The following SCN9A variants were observed in gnomAD, a reference collection of about 807,000 sequenced individuals.
The protein encoded by SCN9A is sodium voltage-gated channel alpha subunit 9, also known as sodium channel protein type 9 subunit alpha.
Under a neutral mutation model 187.0 loss-of-function variants are expected in SCN9A, and 131 were observed. The observed-to-expected ratio is 0.70, with a 90% CI of 0.61 to 0.81. SCN9A has a LOEUF of 0.81. Ranked by LOEUF, SCN9A falls within the 30% of genes least tolerant of loss-of-function variation. The probability of loss-of-function intolerance (pLI) is 0.00; values close to 1 mark genes in which losing one functional copy is unlikely to be tolerated. For missense variants in SCN9A, 2,252 were observed against 2,396.6 expected (o/e 0.94, Z 1.26); for synonymous variants, 809 against 808.6 (o/e 1.00, Z -0.01).
Position 166,284,845 on chromosome 2 carries a change from AC to A in SCN9A, c.1603-22del, listed in dbSNP as rs1559010985. ...GGTGACTGCAGAAAAATTAAAAAAA[AC>A]GTGGTTGCTGAAGCACCTACTGATA... On this transcript the variant is annotated intron_variant, in intron 11 of 26. Transcript: ENST00000642356. The A allele has an allele frequency of 1.9e-6, 3 of 1,568,818 alleles. No homozygotes were observed. The East Asian group carries it at 6.8e-5, about 36-fold the overall frequency.
intron 21 of SCN9A, among the ~76,000 whole-genome samples, 184 bp downstream of exon 21, chr2:166,233,156 A>G (rs1695165503): frequency 7.0e-6 from 1 of 142,706 alleles, no homozygotes; most frequent in Non-Finnish European, 1.5e-5. Flanking sequence ...AATGCATACT[A>G]TATAGTATAC....
At chr2:166,256,711 A>G (rs1265207133) in intron 17 of SCN9A, among the ~76,000 whole-genome samples, 1 of 151,138 alleles carries the variant, frequency 6.6e-6, no homozygotes, top group Non-Finnish European at 1.5e-5. Flanking sequence ...TCTGGGAGGA[A>G]TAGCTACTTA....
At chr2:166,240,824 C>T (rs1287974164) in intron 19 of SCN9A, among the ~76,000 whole-genome samples, 1 of 152,066 alleles carries the variant, frequency 6.6e-6, no homozygotes, top group Admixed American at 6.6e-5. Flanking sequence ...CAGTGAGCAA[C>T]CTTGAGACAT....
chr2:166,246,009 C>T (rs1414252388), intron 18 of SCN9A, among the ~76,000 whole-genome samples: 1 of 151,842 alleles, frequency 6.6e-6, no homozygotes, highest in Non-Finnish European at 1.5e-5. Flanking sequence ...TATAGAAATA[C>T]AGCAAACAAG....
In SCN9A at chr2:166,286,494, T is replaced by G. The variant is rs768272907; in HGVS notation, c.1444A>C (p.Lys482Gln). Residue 482 changes from lysine (K) to glutamine (Q), a missense_variant, in exon 11 of 27, where the codon AAA becomes CAA. Transcript: ENST00000642356. ...SAKERRNRRK[K>Q]KNQKKLSSGE... Reference sequence around the variant, plus strand: ...CTGGAGAGCTTCTTTTGATTCTTTTTCTTTCTTCTGTTTCTTCTTTCTTTA... The same window carrying G: ...CTGGAGAGCTTCTTTTGATTCTTTTGCTTTCTTCTGTTTCTTCTTTCTTTA... 14 of 1,613,820 alleles carry G rather than the reference T, an allele frequency of 8.7e-6. No homozygotes were observed. In the East Asian group the frequency reaches 2.9e-4, roughly 33 times the overall value.
chr2:166,370,543 AAAAAAAT>A (rs1449586488), intron 1 of SCN9A, among the ~76,000 whole-genome samples: 1 of 150,900 alleles, frequency 6.6e-6, no homozygotes, highest in Non-Finnish European at 1.5e-5. Flanking sequence ...ACTCCGTCTC[AAAAAAAT>A]AAAAAATAAA....
At chr2:166,301,720 A>T (rs1323564019) in intron 7 of SCN9A, 2 of 150,906 alleles carry the variant, frequency 1.3e-5, no homozygotes, top group African/African-American at 5.0e-5. Context: ...AATGTAAGTT[A>T]CTCATCAGAT....
chr2:166,228,820 A>G lies in SCN9A; in HGVS notation c.4077T>C (p.Phe1359=), dbSNP rs1205678504. 1.3e-5 allele frequency: 21 copies of G among 1,613,976 alleles called. No individual in the cohort carries two copies. The Middle Eastern group carries it at 4.9e-4, about 38-fold the overall frequency. ...AACGATTTGGAACTTGACTTGCAGGAAACCGTGACCCATCTGTGGTGTTAA... is the reference window on the plus strand; with the variant it reads ...AACGATTTGGAACTTGACTTGCAGGGAACCGTGACCCATCTGTGGTGTTAA... The part of the protein sequence containing the change: ...ECINTTDGSR[F]PASQVPNRSE... The change falls in exon 22 of 27, where the codon TTT becomes TTC. Residue 1359 remains phenylalanine, a synonymous_variant. Transcript: ENST00000642356.
chr2:166,308,925 CAAAA>C (rs397986566), intron 2 of SCN9A, among the ~76,000 whole-genome samples: 9 of 78,156 alleles, frequency 1.2e-4, no homozygotes, highest in South Asian at 5.5e-4. Flanking sequence ...GACTCTGTCT[CAAAA>C]AAAAAAAAAA....
rs973710661 is a variant in SCN9A, at chr2:166,197,493, G to T, written c.*1179C>A. On this transcript the variant is annotated 3_prime_UTR_variant, in exon 27 of 27. Coordinates refer to ENST00000642356, the MANE Select transcript of SCN9A (RefSeq NM_001365536.1). ...AGGAAAGTAAGTTGGTGGCAAGAGA[G>T]CAAGTTGGCAAGAATCCCTATTTCA... 1.3e-5 allele frequency: 2 copies of T among 152,144 alleles called. No individual in the cohort carries two copies. The highest frequency in any genetic ancestry group is 2.9e-5 in the Non-Finnish European group (2 of 67,996). 9.4% of individuals were successfully genotyped at this position (152,144 alleles called of 1,614,324 possible). A position where few individuals can be genotyped will look rare whatever the true frequency, so the allele number is the denominator to read the frequency against.
At chr2:166,362,080 C>G (rs1264162257) in intron 1 of SCN9A, among the ~76,000 whole-genome samples, 3 of 151,970 alleles carry the variant, frequency 2.0e-5, no homozygotes, top group Admixed American at 1.3e-4. Flanking sequence ...GACATCTACT[C>G]ATAAGATTTT....
At chr2:166,319,306 C>T (rs570861231) in intron 1 of SCN9A, among the ~76,000 whole-genome samples, 16 of 149,136 alleles carry the variant, frequency 1.1e-4, no homozygotes, top group Middle Eastern at 3.5e-3. Flanking sequence ...AATTTAACTC[C>T]TTTTTATCTT....
intron 9 of SCN9A, among the ~76,000 whole-genome samples, chr2:166,290,819 A>G (rs1698030711): frequency 6.6e-6 from 1 of 152,218 alleles, no homozygotes; most frequent in African/African-American, 2.4e-5. Context: ...AACAGAACCA[A>G]TGACAAAAAC....
chr2:166,206,621 C>T (rs1693820032), intron 24 of SCN9A, among the ~76,000 whole-genome samples: 1 of 151,928 alleles, frequency 6.6e-6, no homozygotes, highest in Admixed American at 6.6e-5. Flanking sequence ...ATGTAACAAA[C>T]CTGCATGTTT....
intron 20 of SCN9A, 78 bp from the exon 21 acceptor site, chr2:166,233,540 C>T: frequency 1.8e-6 from 2 of 1,121,224 alleles, no homozygotes; most frequent in Non-Finnish European, 2.5e-6. Flanking sequence ...CTGAAACTCA[C>T]TAAAAGCAAC....
At chr2:166,359,449 A>G (rs1452998803) in intron 1 of SCN9A, among the ~76,000 whole-genome samples, 24 of 152,174 alleles carry the variant, frequency 1.6e-4, no homozygotes, top group Admixed American at 1.6e-3. Context: ...AAGTGTATCA[A>G]TATATATGAA....
At chr2:166,336,617 C>A (rs544454714) in intron 1 of SCN9A, among the ~76,000 whole-genome samples, 1 of 152,228 alleles carries the variant, frequency 6.6e-6, no homozygotes, top group African/African-American at 2.4e-5. Context: ...GTCCTTAGAA[C>A]TTACTTGCTC....
At chr2:166,371,370 T>C (rs1289627408) in intron 1 of SCN9A, among the ~76,000 whole-genome samples, 1 of 152,212 alleles carries the variant, frequency 6.6e-6, no homozygotes, top group Non-Finnish European at 1.5e-5. Flanking sequence ...CACTTTATCA[T>C]GGCCTGGCAT....
chr2:166,320,000 G>C (rs886955016), intron 1 of SCN9A, among the ~76,000 whole-genome samples: 3 of 151,990 alleles, frequency 2.0e-5, no homozygotes, highest in Non-Finnish European at 4.4e-5. Context: ...TGGAATTTGA[G>C]AATGGGGCAG....
Sources: gnomAD v4.1 joint callset for allele counts (sites outside exome capture counted in the v4.1 genomes callset) on GRCh38, gnomAD v4.1.1 for gene constraint, MANE v1.5 for transcripts, NCBI Gene and HGNC (gene_info 2026-07-23, HGNC 2026-07-21) for gene names.